EIF4B: variants seen among roughly 807,000 people sequenced by gnomAD.
EIF4B encodes eukaryotic translation initiation factor 4B.
A neutral mutation model predicts 79.3 loss-of-function variants in EIF4B; 8 were observed. The ratio of observed to expected loss-of-function variants is 0.10; its 90% CI spans 0.06 to 0.18. The LOEUF is 0.18. Among genes scored for constraint, EIF4B ranks in the 10% least tolerant of loss-of-function variants. EIF4B has a pLI of 1.00. For synonymous variants in EIF4B, 238 were observed against 274.7 expected, an observed-to-expected ratio of 0.87 and a Z score of 1.32; for missense variants, 515 against 792.4, an observed-to-expected ratio of 0.65 and a Z score of 4.20.
chr12:53,039,588 G>A (rs751304591), intron 13 of EIF4B, 42 bp from the exon 14 acceptor site: 2 of 1,609,632 alleles, frequency 1.2e-6, no homozygotes, highest in Non-Finnish European at 8.5e-7. Context: ...TATTAGGCGA[G>A]TCCTTTCCTA....
At chr12:53,038,269 A>AC in intron 11 of EIF4B, 87 bp from the exon 12 acceptor site, 1 of 1,196,200 alleles carries the variant, frequency 8.4e-7, no homozygotes. Flanking sequence ...TATAAAGCTT[A>AC]CCCACTGCAT....
Position 53,041,128 on chromosome 12 carries a change from C to T in EIF4B, c.*905C>T, listed in dbSNP as rs557262395. On this transcript the variant is annotated 3_prime_UTR_variant, in exon 15 of 15. Transcript: ENST00000262056. ...TGAAACTAAAAATTTAGACTCTTAT[C>T]ATCATCTTAAGTTCTTCATGCTACT... 2.4e-4 allele frequency: 36 copies of T among 152,218 alleles called. No individual in the cohort carries two copies. Among genetic ancestry groups the T allele is most frequent in the Middle Eastern group, 3.4e-3 (1 of 294 alleles). 9.4% of individuals were successfully genotyped at this position (152,218 alleles called of 1,614,324 possible). A position where few individuals can be genotyped will look rare whatever the true frequency, so the allele number is the denominator to read the frequency against.
chr12:53,014,399 C>G (rs1218999657), intron 1 of EIF4B, among the ~76,000 whole-genome samples: 2 of 146,064 alleles, frequency 1.4e-5, no homozygotes, highest in African/African-American at 5.1e-5. Flanking sequence ...TATGACAAAG[C>G]GAGACTCCGT....
rs1592226577 is a variant in EIF4B at position 53,033,334 on chromosome 12, C to T, written c.980-472C>T. ...ACGCCCAGCCTGAGCTACCTATTTTCTTTTTTTTTTTTCTTTTTTTTATTT... is the reference window on the plus strand; with the variant it reads ...ACGCCCAGCCTGAGCTACCTATTTTTTTTTTTTTTTTTCTTTTTTTTATTT... On this transcript the variant is annotated intron_variant, in intron 8 of 14. Coordinates refer to ENST00000262056, the MANE Select transcript of EIF4B (RefSeq NM_001417.7). Among the ~76,000 whole-genome samples the T allele has an allele frequency of 9.1e-5, 13 of 142,382 alleles. No homozygotes were observed. In the South Asian group the frequency reaches 2.7e-3, roughly 29 times the overall value. 93.4% of individuals were successfully genotyped at this position (142,382 alleles called of 152,430 possible).
Position 53,011,641 on chromosome 12 carries a change from G to A in EIF4B, c.14-4832G>A, listed in dbSNP as rs1438104929. 4.6e-5 allele frequency among the ~76,000 whole-genome samples: 7 copies of A among 152,222 alleles called. No homozygotes were observed. In the East Asian group the frequency reaches 1.3e-3, roughly 29 times the overall value. ...CAGTGCTGAGATAGAGAAACTCTGAGTTAAGAAGTAGGCTGTATTTATTTT... is the reference window on the plus strand; with the variant it reads ...CAGTGCTGAGATAGAGAAACTCTGAATTAAGAAGTAGGCTGTATTTATTTT... On this transcript the variant is annotated intron_variant, in intron 1 of 14. Coordinates refer to ENST00000262056, the MANE Select transcript of EIF4B (RefSeq NM_001417.7).
In EIF4B at chr12:53,027,924, T is replaced by C; in HGVS notation, c.805+5T>C. The C allele has an allele frequency of 6.2e-7, 1 of 1,612,782 alleles. No individual in the cohort carries two copies. The highest frequency in any genetic ancestry group is 1.1e-5 in the South Asian group (1 of 90,986). On this transcript the variant is annotated splice_donor_5th_base_variant and intron_variant, in intron 7 of 14. Coordinates refer to ENST00000262056, the MANE Select transcript of EIF4B (RefSeq NM_001417.7). ...GCAGCAGAGACTATGATAGAGGTAA[T>C]TGTAAAACATGTCGAATTGCTCTTT...
At chr12:53,039,527 G>T in intron 13 of EIF4B, 103 bp from the exon 14 acceptor site, 1 of 1,381,950 alleles carries the variant, frequency 7.2e-7, no homozygotes, top group South Asian at 1.3e-5. Flanking sequence ...AAGGACTGTT[G>T]ACTAGAGGTG....
At chr12:53,008,757 C>G (rs921389930) in intron 1 of EIF4B, 12 of 152,220 alleles carry the variant, frequency 7.9e-5, no homozygotes, top group African/African-American at 2.9e-4. Context: ...TTCTTAAAGG[C>G]CGGGCGCGGT....
chr12:53,034,955 TC>T (rs1236186679), intron 10 of EIF4B, among the ~76,000 whole-genome samples: 78 of 97,126 alleles, frequency 8.0e-4, no homozygotes, highest in African/African-American at 2.5e-3. Flanking sequence ...TTTGTCTCTC[TC>T]TTTTTTTTTT....
At chr12:53,022,466 AC>A (rs775535096) in intron 5 of EIF4B, 26 bp from the exon 6 acceptor site, 43 of 1,608,036 alleles carry the variant, frequency 2.7e-5, no homozygotes, top group South Asian at 4.4e-5. Context: ...GAGATAACTT[AC>A]GGTTTTTGTT....
intron 13 of EIF4B, 26 bp from the exon 14 acceptor site, chr12:53,039,604 A>G (rs745834485): frequency 6.2e-7 from 1 of 1,612,962 alleles, no homozygotes; most frequent in South Asian, 1.1e-5. Flanking sequence ...TCCTAAAGAC[A>G]TGGTTTTATG....
chr12:53,030,259 A>G (rs1943411534), intron 8 of EIF4B, among the ~76,000 whole-genome samples: 1 of 120,726 alleles, frequency 8.3e-6, no homozygotes, highest in African/African-American at 2.8e-5. Flanking sequence ...ATGTGCCTGT[A>G]GTCCCCGTGT....
chr12:53,022,221 T>C lies in EIF4B; in HGVS notation c.533-272T>C, dbSNP rs79835183. On this transcript the variant is annotated intron_variant, in intron 5 of 14. Coordinates refer to ENST00000262056, the MANE Select transcript of EIF4B (RefSeq NM_001417.7). ...GATTAGCTGCCTAACAGCACGTTGGTCACAAAGGGGACCTAATTTGTATAT... is the reference window on the plus strand; with the variant it reads ...GATTAGCTGCCTAACAGCACGTTGGCCACAAAGGGGACCTAATTTGTATAT... 1,273 of 679,492 alleles carry C rather than the reference T, an allele frequency of 1.9e-3. 14 individuals carry two copies. The African/African-American group carries it at 0.02, about 11-fold the overall frequency. 42.1% of individuals were successfully genotyped at this position (679,492 alleles called of 1,614,324 possible).
chr12:53,035,373 T>TTA (rs1943522626), intron 10 of EIF4B, among the ~76,000 whole-genome samples: 2 of 134,624 alleles, frequency 1.5e-5, no homozygotes, highest in South Asian at 4.9e-4. Flanking sequence ...ATTTATTTAT[T>TTA]TTCTTTTTTT....
chr12:53,031,894 C>T (rs1172678271), intron 8 of EIF4B, among the ~76,000 whole-genome samples: 1 of 152,102 alleles, frequency 6.6e-6, no homozygotes, highest in Non-Finnish European at 1.5e-5. Context: ...ATTACTTAAG[C>T]CAGGTGATTG....
chr12:53,020,107 T>C (rs1410128205), intron 4 of EIF4B, 81 bp downstream of exon 4: 83 of 1,170,296 alleles, frequency 7.1e-5, no homozygotes, highest in Non-Finnish European at 9.9e-5. Flanking sequence ...ATTTTTTAGG[T>C]TGAGAGGCTC....
intron 13 of EIF4B, 110 bp downstream of exon 13, chr12:53,039,453 A>G (rs1455364588): frequency 2.5e-6 from 3 of 1,220,112 alleles, no homozygotes; most frequent in African/African-American, 3.1e-5. Flanking sequence ...TGAGCAAACT[A>G]AAGTCAGCCA....
In EIF4B at chr12:53,022,216, G is replaced by A. The variant is rs560180829; in HGVS notation, c.533-277G>A. The A allele has an allele frequency of 1.0e-3, 703 of 676,102 alleles. 10 individuals carry two copies. Among genetic ancestry groups the A allele is most frequent in the South Asian group, 3.5e-3 (234 of 66,068 alleles). The allele number at this position is 676,102 out of a possible 1,614,324, so 41.9% of individuals were successfully genotyped here. Reference sequence around the variant, plus strand: ...AAATAGATTAGCTGCCTAACAGCACGTTGGTCACAAAGGGGACCTAATTTG... The same window carrying A: ...AAATAGATTAGCTGCCTAACAGCACATTGGTCACAAAGGGGACCTAATTTG... On this transcript the variant is annotated intron_variant, in intron 5 of 14. Transcript: ENST00000262056.
chr12:53,038,388 C>G lies in EIF4B; in HGVS notation c.1553C>G (p.Ser518Cys), dbSNP rs767856360. 6.2e-7 allele frequency: 1 copy of G among 1,601,316 alleles called. No homozygotes were observed. The highest frequency in any genetic ancestry group is 8.5e-7 in the Non-Finnish European group (1 of 1,173,298). The change falls in exon 12 of 15, where the codon TCT becomes TGT. Residue 518 changes from serine to cysteine, a missense_variant. Physicochemically the swap from Ser to Cys is moderately radical, Grantham distance 112. Transcript: ENST00000262056. Reference sequence around the variant, plus strand: ...GGAAAAGTAGCTCCAGCTCAACCATCTGAGGAAGGACCAGGAAGGAAAGGT... The same window carrying G: ...GGAAAAGTAGCTCCAGCTCAACCATGTGAGGAAGGACCAGGAAGGAAAGGT... Reference protein sequence around the residue: ...GGGKVAPAQPSEEGPGRKDEN... With the variant: ...GGGKVAPAQPCEEGPGRKDEN...
Sources: allele counts gnomAD v4.1 joint callset (sites outside exome capture counted in the v4.1 genomes callset), GRCh38; gene constraint gnomAD v4.1.1; transcripts MANE v1.5; gene names NCBI Gene and HGNC (gene_info 2026-07-23, HGNC 2026-07-21).